The following DHX35 variants were observed in gnomAD, a reference collection of about 807,000 sequenced individuals.
DHX35 encodes probable ATP-dependent RNA helicase DHX35.
DHX35 carries 84 observed loss-of-function variants against 99.6 expected under a neutral mutation model. The observed-to-expected ratio is 0.84, with a 90% CI of 0.71 to 1.01. The LOEUF (loss-of-function observed/expected upper bound fraction) is 1.01, where lower values mean the gene tolerates loss of function less well. DHX35 is among the 50% of genes least tolerant of loss of function. The probability of loss-of-function intolerance (pLI) is 0.00; values close to 1 mark genes in which losing one functional copy is unlikely to be tolerated. For missense variants in DHX35, 852 were observed against 888.5 expected (o/e 0.96, Z 0.52); for synonymous variants, 331 against 316.2 (o/e 1.05, Z -0.50).
chr20:39,002,666 A>G, intron 9 of DHX35, 106 bp from the exon 10 acceptor site: 2 of 855,426 alleles, frequency 2.3e-6, no homozygotes, highest in South Asian at 3.3e-5. Flanking sequence ...CCTACTGGGC[A>G]GGCCCAAACT....
rs150492164 is a variant in DHX35, at chr20:39,004,715, C to T, written c.1011+808C>T. 7.9e-5 allele frequency among the ~76,000 whole-genome samples: 12 copies of T among 152,334 alleles called. No homozygotes were observed. In the East Asian group the frequency reaches 2.3e-3, roughly 29 times the overall value. On this transcript the variant is annotated intron_variant, in intron 11 of 21. Coordinates refer to ENST00000252011, the MANE Select transcript of DHX35 (RefSeq NM_021931.4). ...AAGGAGCTGGCAGGCAGCCAGTCCA[C>T]CTGGGCCTGACTCTGCCTTTTCCTT...
chr20:38,993,127 G>C (rs956188177), intron 7 of DHX35, among the ~76,000 whole-genome samples: 3 of 152,118 alleles, frequency 2.0e-5, no homozygotes, highest in Non-Finnish European at 4.4e-5. Context: ...GGTAGAACAG[G>C]GTGATTAAGA....
chr20:39,031,356 CAG>C (rs1400151080), intron 20 of DHX35, among the ~76,000 whole-genome samples: 1 of 137,620 alleles, frequency 7.3e-6, no homozygotes, highest in Non-Finnish European at 1.5e-5. Context: ...TTTTTTGAGA[CAG>C]AGTTTCGCTC....
chr20:39,015,696 A>G (rs2086773914), intron 14 of DHX35, among the ~76,000 whole-genome samples: 1 of 152,058 alleles, frequency 6.6e-6, no homozygotes, highest in African/African-American at 2.4e-5. Context: ...AGTATAGTTT[A>G]TGTACTATAC....
intron 2 of DHX35, among the ~76,000 whole-genome samples, chr20:38,971,076 G>T (rs1408712843): frequency 6.6e-6 from 1 of 152,210 alleles, no homozygotes; most frequent in African/African-American, 2.4e-5. Context: ...TGGAGGCTCG[G>T]TGTGGTGGCT....
chr20:39,014,371 A>G (rs1346312701), intron 13 of DHX35, among the ~76,000 whole-genome samples: 1 of 152,204 alleles, frequency 6.6e-6, no homozygotes, highest in Non-Finnish European at 1.5e-5. Context: ...TTTGAAATTC[A>G]GATTCGACAT....
intron 3 of DHX35, among the ~76,000 whole-genome samples, chr20:38,977,112 T>A (rs1026261865): frequency 2.0e-5 from 3 of 152,198 alleles, no homozygotes; most frequent in African/African-American, 7.2e-5. Flanking sequence ...AAATACCCAG[T>A]AGTGGGATTG....
intron 11 of DHX35, among the ~76,000 whole-genome samples, chr20:39,005,694 A>G (rs1216147638): frequency 1.3e-5 from 2 of 152,140 alleles, no homozygotes; most frequent in African/African-American, 2.4e-5. Context: ...TGTTTATCCT[A>G]CATCCCAGCA....
At position 39,023,609 on chromosome 20, in the gene DHX35, T is replaced by C. The variant is rs373731989; in HGVS notation, c.1594-81T>C. ...TTCAGGCAATCCTCCCACCTTAGCC[T>C]CACCAAATGCTGGGATTATAGGTGT... On this transcript the variant is annotated intron_variant, in intron 16 of 21. Transcript: ENST00000252011. The C allele has an allele frequency of 7.3e-6, 10 of 1,376,412 alleles. No individual in the cohort carries two copies. In the African/African-American group the frequency reaches 8.5e-5, roughly 12 times the overall value. 85.3% of individuals were successfully genotyped at this position (1,376,412 alleles called of 1,614,324 possible). A position where few individuals can be genotyped will look rare whatever the true frequency, so the allele number is the denominator to read the frequency against.
intron 3 of DHX35, chr20:38,977,912 C>T (rs551434521): frequency 6.8e-6 from 4 of 584,004 alleles, no homozygotes; most frequent in African/African-American, 5.6e-5. Context: ...TCTTCAGTTT[C>T]CTCATCATCA....
chr20:39,028,459 T>G lies in DHX35; in HGVS notation c.1843T>G (p.Phe615Val). Residue 615 changes from phenylalanine (F) to valine (V), a missense_variant, in exon 19 of 22, where the codon TTC (phenylalanine) becomes GTC (valine). Coordinates refer to ENST00000252011, the MANE Select transcript of DHX35 (RefSeq NM_021931.4). ...LVLRCIVSGF[F>V]ANAARFHSTG... is the part of the protein sequence containing the mutation. ...TCTGAGGTGCATTGTCTCCGGCTTC[T>G]TCGCCAATGCAGCGAGGTTTCATTC... The G allele has an allele frequency of 6.2e-7, 1 of 1,614,252 alleles. No individual in the cohort carries two copies. Among genetic ancestry groups the G allele is most frequent in the Non-Finnish European group, 8.5e-7 (1 of 1,180,050 alleles).
At chr20:38,962,505 C>G in intron 1 of DHX35, 98 bp downstream of exon 1, 1 of 1,453,926 alleles carries the variant, frequency 6.9e-7, no homozygotes. Flanking sequence ...GCTCGCAGGC[C>G]TGACCTCGGC....
At chr20:39,030,560 G>T (rs561903020) in intron 19 of DHX35, 144 bp from the exon 20 acceptor site, 37 of 707,686 alleles carry the variant, frequency 5.2e-5, no homozygotes, top group Non-Finnish European at 5.8e-5. Flanking sequence ...ATCAAGAAAG[G>T]TTGCAAGAGA....
Position 39,025,269 on chromosome 20 carries a change from A to G in DHX35, c.1711A>G (p.Asn571Asp), listed in dbSNP as rs1389416875. Residue 571 changes from asparagine (N) to aspartate (D), a missense_variant, in exon 18 of 22, where the codon AAT becomes GAT. By Grantham distance (23) the Asn-to-Asp change is conservative. Transcript: ENST00000252011. The stretch of plus-strand genomic sequence containing the variant: ...TAAATGGTGTCAGGAACATTTCCTG[A>G]ATTACAAGGGTCTTGTCAGAGCTGC... Reference protein sequence around the residue: ...DSKWCQEHFLNYKGLVRAATV... With the variant: ...DSKWCQEHFLDYKGLVRAATV... 1 of 1,613,430 alleles carries G rather than the reference A, an allele frequency of 6.2e-7. No homozygotes were observed. Among genetic ancestry groups the G allele is most frequent in the Non-Finnish European group, 8.5e-7 (1 of 1,179,694 alleles).
rs1258955501 is a variant in DHX35, at chr20:38,983,712, C to T, written c.281C>T (p.Ala94Val). 6.2e-7 allele frequency: 1 copy of T among 1,613,992 alleles called. No homozygotes were observed. The highest frequency in any genetic ancestry group is 8.5e-7 in the Non-Finnish European group (1 of 1,179,930). The change falls in exon 4 of 22, where the codon GCC becomes GTC. Residue 94 changes from alanine to valine, a missense_variant. Coordinates refer to ENST00000252011, the MANE Select transcript of DHX35 (RefSeq NM_021931.4). ...TTTTGTTTGTAGTACCTTGCAGAAGCCGGCTGGACAGCTGAAGGAAGAGTG... is the reference window on the plus strand; with the variant it reads ...TTTTGTTTGTAGTACCTTGCAGAAGTCGGCTGGACAGCTGAAGGAAGAGTG... The part of the protein sequence containing the change: ...STQIPQYLAE[A>V]GWTAEGRVVG...
intron 3 of DHX35, among the ~76,000 whole-genome samples, chr20:38,980,370 G>A (rs570400490): frequency 6.6e-6 from 1 of 152,196 alleles, no homozygotes; most frequent in Admixed American, 6.5e-5. Flanking sequence ...TTCCTCATCT[G>A]TGTATTGTTG....
At chr20:39,037,678 T>A (rs918361534) in intron 21 of DHX35, among the ~76,000 whole-genome samples, 7 of 152,164 alleles carry the variant, frequency 4.6e-5, no homozygotes, top group African/African-American at 1.7e-4. Context: ...GGCTTAGGGA[T>A]CTCTTGGTTA....
chr20:38,967,015 C>T (rs1487403706), intron 1 of DHX35, among the ~76,000 whole-genome samples: 1 of 152,128 alleles, frequency 6.6e-6, no homozygotes, highest in East Asian at 1.9e-4. Context: ...ATGACAGTGC[C>T]CCACTTACCT....
At chr20:39,035,319 G>T (rs1199432625) in intron 21 of DHX35, among the ~76,000 whole-genome samples, 1 of 152,128 alleles carries the variant, frequency 6.6e-6, no homozygotes, top group Non-Finnish European at 1.5e-5. Context: ...TGATCCGCCC[G>T]CCTTGGTCTC....
Sources: allele counts gnomAD v4.1 joint callset (sites outside exome capture counted in the v4.1 genomes callset), GRCh38; gene constraint gnomAD v4.1.1; transcripts MANE v1.5; gene names NCBI Gene and HGNC (gene_info 2026-07-23, HGNC 2026-07-21).